PIERCE1: variants seen among roughly 807,000 people sequenced by gnomAD.
PIERCE1 encodes piercer of microtubule wall 1, also known as piercer of microtubule wall 1 protein.
At chr9:135,498,618 G>A in the PIERCE1 span, 37 of 1,613,888 alleles carry the variant, frequency 2.3e-5, no homozygotes, top group Admixed American at 8.3e-5. The surrounding 1 kb of genome is among the most constrained non-coding windows in gnomAD (Gnocchi z 4.1). Context: ...CTCTGCTCCC[G>A]TAAGCCTGGT....
the PIERCE1 span, chr9:135,495,190 G>C: frequency 8.4e-6 from 4 of 475,850 alleles, no homozygotes; most frequent in Non-Finnish European, 1.5e-5. Context: ...CTCAGGATGT[G>C]ACAACGTTTT....
At chr9:135,495,512 G>A in the PIERCE1 span, 2 of 1,614,152 alleles carry the variant, frequency 1.2e-6, no homozygotes, top group South Asian at 1.1e-5. Context: ...ATCGGGGCCA[G>A]TCACGATGCT....
chr9:135,497,464 G>A, the PIERCE1 span, among the ~76,000 whole-genome samples: 1 of 151,764 alleles, frequency 6.6e-6, no homozygotes, highest in Non-Finnish European at 1.5e-5. Context: ...CTCTCACCCA[G>A]GGTGGAATGC....
chr9:135,495,297 G>A, the PIERCE1 span: 1 of 871,160 alleles, frequency 1.1e-6, no homozygotes. Context: ...CTACTCCGCA[G>A]ACGAATAATA....
chr9:135,499,694 C>A, the PIERCE1 span: 1 of 1,607,030 alleles, frequency 6.2e-7, no homozygotes, highest in South Asian at 1.1e-5. Flanking sequence ...ACCAGGCGGG[C>A]CCCAGCTTCC....
chr9:135,499,617 G>A, the PIERCE1 span: 1 of 1,489,254 alleles, frequency 6.7e-7, no homozygotes, highest in South Asian at 1.2e-5. Context: ...CTTGATTTCT[G>A]TAGCTAGGAC....
the PIERCE1 span, chr9:135,498,727 G>T: frequency 6.8e-7 from 1 of 1,480,366 alleles, no homozygotes; most frequent in Non-Finnish European, 9.4e-7. The surrounding 1 kb of genome is among the most constrained non-coding windows in gnomAD (Gnocchi z 4.1). Flanking sequence ...CCACAGCCTT[G>T]TATTTGGTTG....
the PIERCE1 span, among the ~76,000 whole-genome samples, chr9:135,496,652 G>A: frequency 6.6e-6 from 1 of 152,122 alleles, no homozygotes; most frequent in Non-Finnish European, 1.5e-5. Context: ...TTAGCATGTC[G>A]CACTTGTGTA....
the PIERCE1 span, chr9:135,499,757 G>A: frequency 1.2e-6 from 2 of 1,607,242 alleles, no homozygotes; most frequent in Non-Finnish European, 1.7e-6. Context: ...CGGCAGGTCC[G>A]CGCTCACGCG....
the PIERCE1 span, chr9:135,499,655 C>T: frequency 9.0e-5 from 144 of 1,592,614 alleles, 1 homozygote; most frequent in East Asian, 4.8e-4. Context: ...GTCTCTCACA[C>T]ACGGGGCTAT....
chr9:135,495,215 C>A, the PIERCE1 span: 1 of 504,420 alleles, frequency 2.0e-6, no homozygotes, highest in Non-Finnish European at 3.5e-6. Flanking sequence ...GCAAAGTCAA[C>A]CATTAGCATC....
the PIERCE1 span, chr9:135,499,747 C>CACTT: frequency 6.2e-7 from 1 of 1,607,406 alleles, no homozygotes; most frequent in Non-Finnish European, 8.5e-7. Flanking sequence ...TGAACCTGCC[C>CACTT]GGCAGGTCCG....
the PIERCE1 span, chr9:135,499,503 C>T: frequency 2.6e-6 from 2 of 759,706 alleles, no homozygotes; most frequent in Non-Finnish European, 4.7e-6. Context: ...GGCCCTGCCC[C>T]CCACTGCCCT....
At chr9:135,495,206 CAA>C in the PIERCE1 span, 1 of 488,092 alleles carries the variant, frequency 2.0e-6, no homozygotes, top group South Asian at 3.7e-5. Flanking sequence ...GTTTTTAATG[CAA>C]AGTCAACCAT....
the PIERCE1 span, chr9:135,498,858 C>G: frequency 9.0e-5 from 53 of 590,748 alleles, no homozygotes; most frequent in South Asian, 9.5e-4. The surrounding 1 kb of genome is among the most constrained non-coding windows in gnomAD (Gnocchi z 4.1). Context: ...CCGGCCTCCC[C>G]GGCCCCCTCT....
At chr9:135,498,716 G>C in the PIERCE1 span, 1 of 1,524,196 alleles carries the variant, frequency 6.6e-7, no homozygotes, top group Non-Finnish European at 9.1e-7. This position sits in a 1 kb window ranked among gnomAD's most constrained non-coding sequence, Gnocchi z 4.1. Context: ...TTCTGCACAA[G>C]CCACAGCCTT....
At chr9:135,499,474 C>T in the PIERCE1 span, 10 of 711,702 alleles carry the variant, frequency 1.4e-5, no homozygotes, top group Non-Finnish European at 2.6e-5. Flanking sequence ...GAGACCACAA[C>T]TGGGCTTTCT....
At chr9:135,499,500 C>A in the PIERCE1 span, 1 of 747,768 alleles carries the variant, frequency 1.3e-6, no homozygotes, top group East Asian at 2.7e-5. Context: ...CACGGCCCTG[C>A]CCCCCACTGC....
chr9:135,497,921 C>T, the PIERCE1 span, among the ~76,000 whole-genome samples: 1 of 152,194 alleles, frequency 6.6e-6, no homozygotes, highest in Non-Finnish European at 1.5e-5. Flanking sequence ...AACGAAAATA[C>T]GTCCACAACA....
Sources: allele counts gnomAD v4.1 joint callset (sites outside exome capture counted in the v4.1 genomes callset), GRCh38; gene constraint gnomAD v4.1.1; non-coding constraint Gnocchi (gnomAD v3.1); transcripts MANE v1.5; gene names NCBI Gene and HGNC (gene_info 2026-07-23, HGNC 2026-07-21).